ZFYVE28: variants seen among roughly 807,000 people sequenced by gnomAD.
The protein encoded by ZFYVE28 is lateral signaling target protein 2 homolog.
A neutral mutation model predicts 82.1 loss-of-function variants in ZFYVE28; 40 were observed. That is an observed-to-expected ratio of 0.49 (90% confidence interval 0.38 to 0.63). The LOEUF is 0.63. Ranked by LOEUF, ZFYVE28 falls within the 30% of genes least tolerant of loss-of-function variation. The pLI is 0.00. For missense variants in ZFYVE28, 1,321 were observed against 1,242.1 expected (o/e 1.06, Z -0.96); for synonymous variants, 612 against 546.1 (o/e 1.12, Z -1.68).
At chr4:2,279,433 A>T (rs1711598221) in intron 8 of ZFYVE28, among the ~76,000 whole-genome samples, 1 of 151,972 alleles carries the variant, frequency 6.6e-6, no homozygotes, top group South Asian at 2.1e-4. Flanking sequence ...CCGTCTAAAA[A>T]AACAAAAACA....
At chr4:2,375,612 C>T (rs1030543473) in intron 1 of ZFYVE28, among the ~76,000 whole-genome samples, 2 of 151,822 alleles carry the variant, frequency 1.3e-5, no homozygotes, top group African/African-American at 4.8e-5. Context: ...AACCCCTCAA[C>T]TCCTCCATGG....
In ZFYVE28 at chr4:2,395,272, C is replaced by T. The variant is rs75810770; in HGVS notation, c.39+23013G>A. On this transcript the variant is annotated intron_variant, in intron 1 of 12. Coordinates refer to ENST00000290974, the MANE Select transcript of ZFYVE28 (RefSeq NM_020972.3). ...ACTCAAGTTCTATGTTTTCTTTACT[C>T]GACTAATAAGAGAGGAATTCAGACA... Among the ~76,000 whole-genome samples the T allele has an allele frequency of 3.3e-3, 387 of 116,292 alleles. 8 individuals carry two copies. In the East Asian group the frequency reaches 0.085, roughly 25 times the overall value. 76.3% of individuals were successfully genotyped at this position (116,292 alleles called of 152,430 possible). A position where few individuals can be genotyped will look rare whatever the true frequency, so the allele number is the denominator to read the frequency against.
At chr4:2,363,768 G>A (rs2108896173) in intron 1 of ZFYVE28, among the ~76,000 whole-genome samples, 1 of 152,334 alleles carries the variant, frequency 6.6e-6, no homozygotes, top group East Asian at 1.9e-4. Flanking sequence ...TCTCCACGAA[G>A]TAGGAGTCTT....
Position 2,270,718 on chromosome 4 carries a change from C to T in ZFYVE28, c.*7G>A, listed in dbSNP as rs1400998467. ...CCGGGTGGGTTGGGGCTGCCCCTGG[C>T]ACCACGTCACAGGCCGGCCTTGTCG... On this transcript the variant is annotated 3_prime_UTR_variant, in exon 13 of 13. Coordinates refer to ENST00000290974, the MANE Select transcript of ZFYVE28 (RefSeq NM_020972.3). The T allele has an allele frequency of 1.9e-6, 3 of 1,613,012 alleles. No individual in the cohort carries two copies. The highest frequency in any genetic ancestry group is 2.2e-5 in the East Asian group (1 of 44,882).
intron 1 of ZFYVE28, among the ~76,000 whole-genome samples, chr4:2,357,117 G>A (rs1456835424): frequency 2.0e-5 from 3 of 152,098 alleles, no homozygotes; most frequent in Admixed American, 6.5e-5. Context: ...GGCTGGTCTC[G>A]AGCTCCTGAC....
chr4:2,273,980 G>A (rs1268498956), intron 9 of ZFYVE28, 82 bp downstream of exon 9: 7 of 1,500,780 alleles, frequency 4.7e-6, no homozygotes, highest in Non-Finnish European at 5.5e-6. Context: ...GGGGGAGGTT[G>A]TACACGCCCC....
At chr4:2,356,616 G>A (rs554773895) in intron 1 of ZFYVE28, among the ~76,000 whole-genome samples, 42 of 152,314 alleles carry the variant, frequency 2.8e-4, no homozygotes, top group African/African-American at 9.4e-4. Context: ...AGGCAACCCC[G>A]GAGAGCCACA....
chr4:2,381,852 G>A (rs1728761024), intron 1 of ZFYVE28, among the ~76,000 whole-genome samples: 1 of 152,228 alleles, frequency 6.6e-6, no homozygotes, highest in Non-Finnish European at 1.5e-5. Context: ...GGTCTTCAGG[G>A]CAGCCCCTCC....
chr4:2,415,994 T>C (rs1450786101), intron 1 of ZFYVE28, among the ~76,000 whole-genome samples: 1 of 152,162 alleles, frequency 6.6e-6, no homozygotes, highest in Non-Finnish European at 1.5e-5. Context: ...CCAGACAGCA[T>C]GCCAGGAGAA....
intron 8 of ZFYVE28, among the ~76,000 whole-genome samples, chr4:2,290,116 AC>A (rs1425532288): frequency 6.6e-6 from 1 of 152,160 alleles, no homozygotes; most frequent in African/African-American, 2.4e-5. Context: ...CCCCCCGGTC[AC>A]CAGGCCCCCA....
chr4:2,349,396 T>C (rs1218132752), intron 2 of ZFYVE28, among the ~76,000 whole-genome samples: 5 of 148,118 alleles, frequency 3.4e-5, no homozygotes, highest in East Asian at 4.1e-4. Context: ...AGGGATAGAA[T>C]TGGGAGATAT....
intron 6 of ZFYVE28, chr4:2,330,477 C>G: frequency 1.9e-6 from 2 of 1,080,170 alleles, no homozygotes; most frequent in African/African-American, 1.7e-5. Context: ...AAGGAGGGGA[C>G]AGCATGGAGG....
rs67940269 is a variant in ZFYVE28, at chr4:2,327,251, AATATATATATATATAT to A, written c.702-6996_702-6981del. On this transcript the variant is annotated intron_variant, in intron 6 of 12. Transcript: ENST00000290974. ...GGTGACGGAGCAAGACTCCATCTCAAATATATATATATATATATATATATATATATATATATATATA... is the reference window on the plus strand; with the variant it reads ...GGTGACGGAGCAAGACTCCATCTCAAATATATATATATATATATATATATA... 2.7e-3 allele frequency among the ~76,000 whole-genome samples: 232 copies of A among 87,236 alleles called. 3 individuals are homozygous for A. Among genetic ancestry groups the A allele is most frequent in the Middle Eastern group, 0.011 (2 of 188 alleles). 57.2% of individuals were successfully genotyped at this position (87,236 alleles called of 152,430 possible). A position where few individuals can be genotyped will look rare whatever the true frequency, so the allele number is the denominator to read the frequency against.
chr4:2,308,764 AGAGG>A (rs980907135), intron 7 of ZFYVE28, among the ~76,000 whole-genome samples: 2 of 148,668 alleles, frequency 1.3e-5, no homozygotes, highest in African/African-American at 2.5e-5. Context: ...AAAGAGAGAA[AGAGG>A]GAGGGAGGAA....
rs1560269887 is a variant in ZFYVE28 at position 2,355,242 on chromosome 4, ATATATATATATATATATATATATATATAT to A, written c.40-1198_40-1170del. Among the ~76,000 whole-genome samples the A allele has an allele frequency of 9.5e-3, 227 of 23,896 alleles. 33 individuals carry two copies. Among genetic ancestry groups the A allele is most frequent in the African/African-American group, 0.038 (200 of 5,264 alleles). 15.7% of individuals were successfully genotyped at this position (23,896 alleles called of 152,430 possible). On this transcript the variant is annotated intron_variant, in intron 1 of 12. Transcript: ENST00000290974. ...TATATATATATATATATATATATAT[ATATATATATATATATATATATATATATAT>A]AATGATTCTTCTTTTTTTTTTTTTT...
chr4:2,382,931 G>A (rs1355834750), intron 1 of ZFYVE28, among the ~76,000 whole-genome samples: 2 of 132,758 alleles, frequency 1.5e-5, no homozygotes, highest in Non-Finnish European at 3.4e-5. Flanking sequence ...AGAAACCCCT[G>A]ATAAACCCAT....
intron 1 of ZFYVE28, among the ~76,000 whole-genome samples, chr4:2,415,936 A>G (rs1732992578): frequency 6.6e-6 from 1 of 152,250 alleles, no homozygotes; most frequent in South Asian, 2.1e-4. Flanking sequence ...GGCCAGAGAC[A>G]GATCTGAAAT....
intron 2 of ZFYVE28, among the ~76,000 whole-genome samples, chr4:2,350,256 A>G (rs1278722003): frequency 6.6e-6 from 1 of 152,096 alleles, no homozygotes; most frequent in Non-Finnish European, 1.5e-5. Flanking sequence ...CGAGGTCAGG[A>G]GATCGAGACC....
rs1264504517 is a variant in ZFYVE28, at chr4:2,416,591, C to T, written c.39+1694G>A. Among the ~76,000 whole-genome samples, 1 of 152,228 alleles carries T rather than the reference C, an allele frequency of 6.6e-6. No individual in the cohort carries two copies. Among genetic ancestry groups the T allele is most frequent in the Non-Finnish European group, 1.5e-5 (1 of 68,040 alleles). On this transcript the variant is annotated intron_variant, in intron 1 of 12. Coordinates refer to ENST00000290974, the MANE Select transcript of ZFYVE28 (RefSeq NM_020972.3). The surrounding 1 kb of genome is among the most constrained non-coding windows in gnomAD (Gnocchi z 4.6). The stretch of plus-strand genomic sequence containing the variant: ...TCATACAGCTATCCAGAGCGGAGGC[C>T]ACCGCCCTACCCCGGCAGAGGCACA...
Sources: allele counts gnomAD v4.1 joint callset (sites outside exome capture counted in the v4.1 genomes callset), GRCh38; gene constraint gnomAD v4.1.1; non-coding constraint Gnocchi (gnomAD v3.1); transcripts MANE v1.5; gene names NCBI Gene and HGNC (gene_info 2026-07-23, HGNC 2026-07-21).